ADORA2A: variants seen among roughly 807,000 people sequenced by gnomAD.
ADORA2A encodes adenosine A2a receptor.
In ADORA2A, 11 loss-of-function variants were observed where a neutral mutation model predicts 18.4. The observed-to-expected ratio is 0.60, with a 90% CI of 0.38 to 0.99. The LOEUF is 0.99. Ranked by LOEUF, ADORA2A falls within the 50% of genes least tolerant of loss-of-function variation. The pLI, the probability that ADORA2A is intolerant of heterozygous loss-of-function variation, is 0.01. For missense variants in ADORA2A, 449 were observed against 556.1 expected, an observed-to-expected ratio of 0.81 and a Z score of 1.94; for synonymous variants, 218 against 237.3, an observed-to-expected ratio of 0.92 and a Z score of 0.75.
At chr22:24,439,666 C>G (rs1279582641) in intron 2 of ADORA2A, 1 of 151,882 alleles carries the variant, frequency 6.6e-6, no homozygotes, top group East Asian at 1.9e-4. Context: ...GAAATCTAGG[C>G]CACCTTTCCT....
rs779630524 is a variant in ADORA2A, at chr22:24,433,548, G to C, written c.144G>C (p.Leu48=). The C allele has an allele frequency of 6.2e-7, 1 of 1,614,126 alleles. No individual in the cohort carries two copies. Among genetic ancestry groups the C allele is most frequent in the African/African-American group, 1.3e-5 (1 of 75,068 alleles). Reference sequence around the variant, plus strand: ...TCACCAACTACTTTGTGGTGTCACTGGCGGCGGCCGACATCGCAGTGGGTG... The same window carrying C: ...TCACCAACTACTTTGTGGTGTCACTCGCGGCGGCCGACATCGCAGTGGGTG... The part of the protein sequence containing the change: ...QNVTNYFVVS[L]AAADIAVGVL... Residue 48 remains leucine (L), a synonymous_variant, in exon 2 of 3, where the codon CTG becomes CTC. Transcript: ENST00000337539.
chr22:24,438,519 G>A (rs893544170), intron 2 of ADORA2A: 2 of 152,250 alleles, frequency 1.3e-5, no homozygotes, highest in Non-Finnish European at 2.9e-5. Context: ...CCAACTCCCT[G>A]TTGCTTGGAA....
At chr22:24,425,550 G>A (rs1366825718), upstream of ADORA2A, among the ~76,000 whole-genome samples, 1 of 152,202 alleles carries the variant, frequency 6.6e-6, no homozygotes, top group Non-Finnish European at 1.5e-5. Context: ...GCTGAGCTGT[G>A]AGCTTTCCTG....
At chr22:24,424,577 C>A (rs141278503), upstream of ADORA2A, 492 of 152,346 alleles carry the variant, frequency 3.2e-3, no homozygotes, top group Non-Finnish European at 6.2e-3. The surrounding 1 kb of genome is among the most constrained non-coding windows in gnomAD (Gnocchi z 4.9). Flanking sequence ...GGCAGAGATA[C>A]CCGAGCGCCC....
Position 24,441,573 on chromosome 22 carries a change from G to A in ADORA2A, c.*84G>A. On this transcript the variant is annotated 3_prime_UTR_variant, in exon 3 of 3. Transcript: ENST00000337539. ...TGACCAGTCACGTTGGGAGAAGAGA[G>A]AGAGTGCCAGGAGACCCTGAGGGCA... 2.9e-6 allele frequency: 4 copies of A among 1,361,868 alleles called. No homozygotes were observed. Among genetic ancestry groups the A allele is most frequent in the Non-Finnish European group, 3.8e-6 (4 of 1,042,498 alleles). 84.4% of individuals were successfully genotyped at this position (1,361,868 alleles called of 1,614,324 possible).
intron 1 of ADORA2A, chr22:24,431,036 C>T (rs1275707300): frequency 2.4e-6 from 1 of 423,568 alleles, no homozygotes; most frequent in Non-Finnish European, 4.8e-6. Flanking sequence ...TCAGGTGGGC[C>T]CTGGTGAGTA....
At position 24,433,605 on chromosome 22, in the gene ADORA2A, C is replaced by T. The variant is rs762337547; in HGVS notation, c.201C>T (p.Ser67=). The T allele has an allele frequency of 6.2e-7, 1 of 1,614,122 alleles. No individual in the cohort carries two copies. Among genetic ancestry groups the T allele is most frequent in the South Asian group, 1.1e-5 (1 of 91,090 alleles). ...VLAIPFAITI[S]TGFCAACHGC... ...CCATCCCCTTTGCCATCACCATCAG[C>T]ACCGGGTTCTGCGCTGCCTGCCACG... The change falls in exon 2 of 3, where the codon AGC becomes AGT. Residue 67 remains serine (S), a synonymous_variant. Transcript: ENST00000337539.
rs148396566 is a variant in ADORA2A at position 24,441,268 on chromosome 22, G to A, written c.1018G>A (p.Gly340Ser). 79 of 1,613,106 alleles carry A rather than the reference G, an allele frequency of 4.9e-5. No individual in the cohort carries two copies. Among genetic ancestry groups the A allele is most frequent in the Non-Finnish European group, 6.2e-5 (73 of 1,179,750 alleles). ...AGAGCAGGTCAGCCTCCGTCTCAAC[G>A]GCCACCCGCCAGGAGTGTGGGCCAA... ...DGEQVSLRLN[G>S]HPPGVWANGS... The change falls in exon 3 of 3, where the codon GGC (glycine) becomes AGC (serine). Residue 340 changes from glycine to serine, a missense_variant. Gly to Ser is a moderately conservative substitution (Grantham distance 56). Coordinates refer to ENST00000337539, the MANE Select transcript of ADORA2A (RefSeq NM_000675.6).
In ADORA2A at chr22:24,433,454, C is replaced by T; in HGVS notation, c.50C>T (p.Ala17Val). 6.2e-7 allele frequency: 1 copy of T among 1,613,338 alleles called. No homozygotes were observed. The highest frequency in any genetic ancestry group is 8.5e-7 in the Non-Finnish European group (1 of 1,179,764). The change falls in exon 2 of 3, where the codon GCT becomes GTT. Residue 17 changes from alanine to valine, a missense_variant. Physicochemically the swap from Ala to Val is moderately conservative, Grantham distance 64. Transcript: ENST00000337539. ...SVYITVELAI[A>V]VLAILGNVLV... ...TACATCACGGTGGAGCTGGCCATTG[C>T]TGTGCTGGCCATCCTGGGCAATGTG...
intron 2 of ADORA2A, among the ~76,000 whole-genome samples, chr22:24,437,310 G>A (rs17650801): frequency 0.025 from 3,878 of 152,286 alleles, 61 homozygotes; most frequent in Middle Eastern, 0.044. Flanking sequence ...TGTCACGCTA[G>A]ACAGCCTTGG....
chr22:24,438,301 C>T (rs987812214), intron 2 of ADORA2A: 4 of 152,212 alleles, frequency 2.6e-5, no homozygotes, highest in African/African-American at 9.7e-5. Flanking sequence ...TTCCTGTTAA[C>T]AGGGCCAGAA....
At position 24,440,833 on chromosome 22, in the gene ADORA2A, G is replaced by T. The variant is rs1258245188; in HGVS notation, c.583G>T (p.Gly195Cys). Residue 195 changes from glycine (G) to cysteine (C), a missense_variant, in exon 3 of 3, where the codon GGT becomes TGT. Coordinates refer to ENST00000337539, the MANE Select transcript of ADORA2A (RefSeq NM_000675.6). ...CVLVPLLLMLGVYLRIFLAAR... is the reference protein window; with the variant it reads ...CVLVPLLLMLCVYLRIFLAAR... Reference sequence around the variant, plus strand: ...GCTGGTGCCCCTGCTGCTCATGCTGGGTGTCTATTTGCGGATCTTCCTGGC... The same window carrying T: ...GCTGGTGCCCCTGCTGCTCATGCTGTGTGTCTATTTGCGGATCTTCCTGGC... 1.2e-6 allele frequency: 2 copies of T among 1,614,134 alleles called. No homozygotes were observed. The highest frequency in any genetic ancestry group is 3.3e-5 in the Admixed American group (2 of 60,002).
intron 2 of ADORA2A, among the ~76,000 whole-genome samples, chr22:24,434,990 C>T (rs903841895): frequency 2.6e-5 from 4 of 152,162 alleles, no homozygotes; most frequent in South Asian, 2.1e-4. Flanking sequence ...CAGCCTGTCT[C>T]GCAGAGCCTG....
In ADORA2A at chr22:24,437,579, A is replaced by T. The variant is rs140038513; in HGVS notation, c.333-3004A>T. The stretch of plus-strand genomic sequence containing the variant: ...CATGTTTTGCCCACTCTAAAACATT[A>T]AAAAGGAACAAAAGAGTATAGTATA... On this transcript the variant is annotated intron_variant, in intron 2 of 2. Coordinates refer to ENST00000337539, the MANE Select transcript of ADORA2A (RefSeq NM_000675.6). 5.1e-3 allele frequency among the ~76,000 whole-genome samples: 773 copies of T among 152,334 alleles called. 10 individuals are homozygous for T. The highest frequency in any genetic ancestry group is 0.018 in the African/African-American group (743 of 41,564).
upstream of ADORA2A, among the ~76,000 whole-genome samples, chr22:24,425,653 C>T (rs973308764): frequency 6.6e-6 from 1 of 152,244 alleles, no homozygotes; most frequent in African/African-American, 2.4e-5. Context: ...GAGAGCTGTG[C>T]TGGGCTTCTT....
chr22:24,438,667 AACAG>A (rs1290921465), intron 2 of ADORA2A: 1 of 152,216 alleles, frequency 6.6e-6, no homozygotes, highest in East Asian at 1.9e-4. Flanking sequence ...AGAGATTCAG[AACAG>A]ACAGACTCGC....
chr22:24,437,917 C>G (rs1190915853), intron 2 of ADORA2A, among the ~76,000 whole-genome samples: 1 of 152,282 alleles, frequency 6.6e-6, no homozygotes, highest in Non-Finnish European at 1.5e-5. Flanking sequence ...AGCCCCTTCC[C>G]TTCCCCAGCA....
At chr22:24,431,516 G>A (rs1182068447) in intron 1 of ADORA2A, 1 of 456,784 alleles carries the variant, frequency 2.2e-6, no homozygotes, top group Non-Finnish European at 4.4e-6. Context: ...TCAGGACCAG[G>A]AGTGACTTCC....
upstream of ADORA2A, among the ~76,000 whole-genome samples, chr22:24,426,808 C>T (rs762834287): frequency 2.0e-5 from 3 of 152,138 alleles, no homozygotes; most frequent in Admixed American, 6.5e-5. Flanking sequence ...ACCCTGGCTT[C>T]GGGCATTTTC....
Sources: allele counts gnomAD v4.1 joint callset (sites outside exome capture counted in the v4.1 genomes callset), GRCh38; gene constraint gnomAD v4.1.1; non-coding constraint Gnocchi (gnomAD v3.1); transcripts MANE v1.5; gene names NCBI Gene and HGNC (gene_info 2026-07-23, HGNC 2026-07-21).